HEATR9: variants seen among roughly 807,000 people sequenced by gnomAD.
HEATR9 encodes HEAT repeat containing 9, also known as protein HEATR9.
HEATR9 carries 54 observed loss-of-function variants against 68.2 expected under a neutral mutation model. The observed-to-expected ratio is 0.79, with a 90% confidence interval of 0.64 to 0.99. The LOEUF (loss-of-function observed/expected upper bound fraction) is 0.99, where lower values mean the gene tolerates loss of function less well. HEATR9 is among the 50% of genes least tolerant of loss of function. HEATR9 has a pLI of 0.00. For missense variants in HEATR9, 662 were observed against 679.7 expected, an observed-to-expected ratio of 0.97 and a Z score of 0.29; for synonymous variants, 241 against 253.5, an observed-to-expected ratio of 0.95 and a Z score of 0.47.
Position 35,859,068 on chromosome 17 carries a change from C to A in HEATR9, c.759G>T (p.Arg253Ser). The A allele has an allele frequency of 6.2e-7, 1 of 1,613,942 alleles. No individual in the cohort carries two copies. Among genetic ancestry groups the A allele is most frequent in the Non-Finnish European group, 8.5e-7 (1 of 1,179,856 alleles). The change falls in exon 9 of 15, where the codon AGG becomes AGT. Residue 253 changes from arginine to serine, a missense_variant and splice_region_variant. Physicochemically the swap from Arg to Ser is moderately radical, Grantham distance 110 (BLOSUM62 -1). Coordinates refer to ENST00000604834, the MANE Select transcript of HEATR9 (RefSeq NM_152781.4). ...GCTTGCCCTCATCCCCGACTTGAGT[C>A]CTCTGTGAGGGAGACAAAATGGCTA... ...NSWAAVSKDK[R>S]TQVGDEGKLV...
chr17:35,856,680 G>T, intron 12 of HEATR9, 52 bp downstream of exon 12: 2 of 1,490,228 alleles, frequency 1.3e-6, no homozygotes, highest in Non-Finnish European at 9.2e-7. Flanking sequence ...CTGACCCTCT[G>T]CCCCCTTCCC....
rs1051629774 is a variant in HEATR9 at position 35,863,906 on chromosome 17, A to G, written c.567+340T>C. On this transcript the variant is annotated intron_variant, in intron 6 of 14. Coordinates refer to ENST00000604834, the MANE Select transcript of HEATR9 (RefSeq NM_152781.4). ...ATGAGATTATGGATATAAAGAATGC[A>G]TGTTCCCAGTGGTAAGCTGATGTAT... 4 of 534,374 alleles carry G rather than the reference A, an allele frequency of 7.5e-6. No homozygotes were observed. In the African/African-American group the frequency reaches 7.5e-5, roughly 10 times the overall value. 33.1% of individuals were successfully genotyped at this position (534,374 alleles called of 1,614,324 possible).
chr17:35,866,237 GAAA>G (rs367758928), intron 2 of HEATR9, among the ~76,000 whole-genome samples: 2 of 132,392 alleles, frequency 1.5e-5, no homozygotes, highest in African/African-American at 5.5e-5. Flanking sequence ...GATTTAGGAA[GAAA>G]AAAAAAAAAG....
intron 12 of HEATR9, 87 bp from the exon 13 acceptor site, chr17:35,856,311 G>C (rs774790352): frequency 2.1e-5 from 34 of 1,613,584 alleles, no homozygotes; most frequent in Non-Finnish European, 2.9e-5. Context: ...GGTCCAGAGC[G>C]AATTAGGCAA....
At chr17:35,859,140 A>G (rs2087886543) in intron 8 of HEATR9, 70 bp from the exon 9 acceptor site, 29 of 1,310,008 alleles carry the variant, frequency 2.2e-5, no homozygotes, top group Non-Finnish European at 3.1e-5. Flanking sequence ...CTTCCAGACT[A>G]TATTCACCTT....
chr17:35,859,453 CCA>C (rs1320314502), intron 8 of HEATR9, among the ~76,000 whole-genome samples: 1 of 152,144 alleles, frequency 6.6e-6, no homozygotes, highest in Non-Finnish European at 1.5e-5. Context: ...TTCATGGATC[CCA>C]CTCTCTGACC....
At position 35,855,327 on chromosome 17, in the gene HEATR9, C is replaced by G; in HGVS notation, c.1449G>C (p.Glu483Asp). The G allele has an allele frequency of 6.2e-7, 1 of 1,614,116 alleles. No individual in the cohort carries two copies. Among genetic ancestry groups the G allele is most frequent in the Non-Finnish European group, 8.5e-7 (1 of 1,179,964 alleles). Residue 483 changes from glutamate (E) to aspartate (D), a missense_variant, in exon 15 of 15, where the codon GAG (glutamate) becomes GAC (aspartate). Transcript: ENST00000604834. Reference sequence around the variant, plus strand: ...CTGCCTTCACATTGGTCTTAGGTGCCTCATATACAGAGAGAACCTTGTTTT... The same window carrying G: ...CTGCCTTCACATTGGTCTTAGGTGCGTCATATACAGAGAGAACCTTGTTTT... ...KLKNKVLSVY[E>D]APKTNVKAEP... is the part of the protein sequence containing the mutation.
At chr17:35,857,495 C>T (rs2087815856) in intron 11 of HEATR9, among the ~76,000 whole-genome samples, 1 of 152,168 alleles carries the variant, frequency 6.6e-6, no homozygotes, top group Non-Finnish European at 1.5e-5. Flanking sequence ...CGCAGTGGCT[C>T]ACGCCTGTAA....
chr17:35,857,277 C>T (rs1027905832), intron 11 of HEATR9, among the ~76,000 whole-genome samples: 5 of 152,098 alleles, frequency 3.3e-5, no homozygotes, highest in African/African-American at 9.7e-5. Context: ...TAAATCAGGA[C>T]ATGGTTGTCG....
chr17:35,863,399 G>GC (rs1360736175), intron 7 of HEATR9, 103 bp downstream of exon 7: 11 of 1,279,752 alleles, frequency 8.6e-6, no homozygotes, highest in African/African-American at 1.5e-5. Flanking sequence ...CTTGCCAAAT[G>GC]GTAGGTTGGA....
chr17:35,864,507 T>C lies in HEATR9; in HGVS notation c.500A>G (p.Tyr167Cys). ...LESPREDEQF[Y>C]AAQALGCLRI... ...CTTGCCTCTTCTCACCTGTGCTGCATAGAACTGCTCATCCTCTCTGGGAGA... is the reference window on the plus strand; with the variant it reads ...CTTGCCTCTTCTCACCTGTGCTGCACAGAACTGCTCATCCTCTCTGGGAGA... Residue 167 changes from tyrosine (Y) to cysteine (C), a missense_variant, in exon 5 of 15, where the codon TAT (tyrosine) becomes TGT (cysteine). By Grantham distance (194) the Tyr-to-Cys change is radical (BLOSUM62 -2). Transcript: ENST00000604834. 1 of 1,614,104 alleles carries C rather than the reference T, an allele frequency of 6.2e-7. No homozygotes were observed. The highest frequency in any genetic ancestry group is 8.5e-7 in the Non-Finnish European group (1 of 1,179,992).
chr17:35,863,481 C>T, intron 7 of HEATR9, 21 bp downstream of exon 7: 1 of 1,613,050 alleles, frequency 6.2e-7, no homozygotes, highest in Non-Finnish European at 8.5e-7. Flanking sequence ...AACTCCCCAC[C>T]AAGGGAGAAG....
At chr17:35,863,239 A>G (rs2088062368) in intron 7 of HEATR9, 114 bp from the exon 8 acceptor site, 1 of 1,390,194 alleles carries the variant, frequency 7.2e-7, no homozygotes, top group Non-Finnish European at 1.0e-6. Flanking sequence ...CCTAGGTACC[A>G]CAGTGTTGCT....
intron 4 of HEATR9, 99 bp from the exon 5 acceptor site, chr17:35,864,652 CCT>C (rs1336851859): frequency 6.3e-7 from 1 of 1,586,972 alleles, no homozygotes; most frequent in Admixed American, 1.8e-5. Flanking sequence ...TCCTACCCTA[CCT>C]CTGTTTTTCA....
Position 35,864,347 on chromosome 17 carries a change from A to G in HEATR9, c.511-45T>C, listed in dbSNP as rs371873648. 1.9e-6 allele frequency: 3 copies of G among 1,563,408 alleles called. No homozygotes were observed. In the African/African-American group the frequency reaches 4.1e-5, roughly 21 times the overall value. On this transcript the variant is annotated intron_variant, in intron 5 of 14. Coordinates refer to ENST00000604834, the MANE Select transcript of HEATR9 (RefSeq NM_152781.4). ...GGAAAGAGAAGGAAACTTGGACATC[A>G]TCCCCAGGAGTTACCATTCTCTGGA...
intron 11 of HEATR9, 57 bp downstream of exon 11, chr17:35,858,143 C>T: frequency 1.2e-6 from 2 of 1,610,686 alleles, no homozygotes; most frequent in Non-Finnish European, 1.7e-6. Flanking sequence ...GTCTCCAGAA[C>T]ACGGAAAAGA....
In HEATR9 at chr17:35,868,700, A is replaced by G; in HGVS notation, c.43T>C (p.Ser15Pro). 6.2e-7 allele frequency: 1 copy of G among 1,614,152 alleles called. No individual in the cohort carries two copies. Among genetic ancestry groups the G allele is most frequent in the Non-Finnish European group, 8.5e-7 (1 of 1,180,030 alleles). Reference sequence around the variant, plus strand: ...TCCAGCCATGGGTACAGGAACATTGACCTGGAGACATCAGAGATATCAGTT... The same window carrying G: ...TCCAGCCATGGGTACAGGAACATTGGCCTGGAGACATCAGAGATATCAGTT... The part of the protein sequence containing the change: ...KSTDISDVSR[S>P]MFLYPWLEYP... The change falls in exon 1 of 15, where the codon TCA becomes CCA. Residue 15 changes from serine (S) to proline (P), a missense_variant. Physicochemically the swap from Ser to Pro is moderately conservative, Grantham distance 74 (BLOSUM62 -1). Transcript: ENST00000604834.
At position 35,858,906 on chromosome 17, in the gene HEATR9, G is replaced by T; in HGVS notation, c.921C>A (p.Leu307=). The change falls in exon 9 of 15, where the codon CTC becomes CTA. Residue 307 remains leucine (L), a synonymous_variant. Coordinates refer to ENST00000604834, the MANE Select transcript of HEATR9 (RefSeq NM_152781.4). ...CTCACACCTTCATCCGCTGGGTCTT[G>T]AGTCCTTGGCACAGGCACTGCAACA... The part of the protein sequence containing the change: ...EFLLQCLCQG[L]KTQRMKALRM... The T allele has an allele frequency of 1.9e-6, 3 of 1,613,940 alleles. No individual in the cohort carries two copies. The highest frequency in any genetic ancestry group is 2.5e-6 in the Non-Finnish European group (3 of 1,180,028).
At chr17:35,860,101 C>G (rs1211432487) in intron 8 of HEATR9, among the ~76,000 whole-genome samples, 1 of 152,052 alleles carries the variant, frequency 6.6e-6, no homozygotes, top group East Asian at 1.9e-4. Flanking sequence ...CATTTAAGAA[C>G]ATTGCTATTT....
Sources: allele counts gnomAD v4.1 joint callset (sites outside exome capture counted in the v4.1 genomes callset), GRCh38; gene constraint gnomAD v4.1.1; transcripts MANE v1.5; gene names NCBI Gene and HGNC (gene_info 2026-07-23, HGNC 2026-07-21).